The following SERGEF variants were observed in gnomAD, a reference collection of about 807,000 sequenced individuals.
SERGEF encodes the protein secretion regulating guanine nucleotide exchange factor.
Under a neutral mutation model 50.0 loss-of-function variants are expected in SERGEF, and 51 were observed. That is an observed-to-expected ratio of 1.02 (90% CI 0.81 to 1.29). SERGEF has a LOEUF of 1.29. Ranked by LOEUF, SERGEF falls within the 50% of genes most tolerant of loss-of-function variation. SERGEF has a pLI of 0.00. For missense variants in SERGEF, 521 were observed against 557.0 expected (o/e 0.94, Z 0.65); for synonymous variants, 205 against 212.4 (o/e 0.97, Z 0.30).
intron 10 of SERGEF, among the ~76,000 whole-genome samples, chr11:17,860,219 T>C (rs1463523980): frequency 6.6e-6 from 1 of 152,108 alleles, no homozygotes; most frequent in Non-Finnish European, 1.5e-5. Context: ...AATTGGTATA[T>C]AGAAAGTCAG....
intron 10 of SERGEF, among the ~76,000 whole-genome samples, chr11:17,838,119 A>C (rs980026194): frequency 2.0e-5 from 3 of 152,220 alleles, no homozygotes; most frequent in Admixed American, 6.5e-5. Flanking sequence ...CAACATAACA[A>C]CACGAAAGAG....
At chr11:17,967,519 C>G (rs959968953) in intron 8 of SERGEF, among the ~76,000 whole-genome samples, 6 of 152,210 alleles carry the variant, frequency 3.9e-5, no homozygotes, top group Non-Finnish European at 5.9e-5. Flanking sequence ...TCACCACTGA[C>G]TTTATTAGCT....
At chr11:17,796,145 A>G (rs935478705) in intron 10 of SERGEF, among the ~76,000 whole-genome samples, 1 of 152,216 alleles carries the variant, frequency 6.6e-6, no homozygotes, top group Non-Finnish European at 1.5e-5. Flanking sequence ...AATATTTTAA[A>G]AAGCAGTAAC....
At chr11:17,800,093 T>A (rs1849641415) in intron 10 of SERGEF, among the ~76,000 whole-genome samples, 1 of 152,324 alleles carries the variant, frequency 6.6e-6, no homozygotes, top group South Asian at 2.1e-4. Context: ...ATAAAAATTA[T>A]TACAATACAA....
intron 9 of SERGEF, among the ~76,000 whole-genome samples, chr11:17,957,088 C>T (rs1047944941): frequency 1.3e-5 from 2 of 152,176 alleles, no homozygotes; most frequent in South Asian, 4.1e-4. Context: ...GTCTACACTC[C>T]AGCACCCCAG....
intron 10 of SERGEF, among the ~76,000 whole-genome samples, chr11:17,828,905 A>G (rs1489303509): frequency 6.6e-6 from 1 of 152,128 alleles, no homozygotes; most frequent in African/African-American, 2.4e-5. Flanking sequence ...AAATGGGAAC[A>G]AGGCTTCCTG....
chr11:17,939,755 G>A (rs1852526719), intron 9 of SERGEF: 1 of 152,142 alleles, frequency 6.6e-6, no homozygotes, highest in Non-Finnish European at 1.5e-5. Flanking sequence ...CAAAGCAAAG[G>A]CCAGCCTTTG....
intron 10 of SERGEF, among the ~76,000 whole-genome samples, chr11:17,798,450 A>G (rs1423512266): frequency 6.6e-6 from 1 of 152,248 alleles, no homozygotes; most frequent in African/African-American, 2.4e-5. Flanking sequence ...AAGCTGGGAC[A>G]GGCAGAGGCC....
At chr11:17,934,835 C>T (rs546558912) in intron 9 of SERGEF, among the ~76,000 whole-genome samples, 1 of 152,246 alleles carries the variant, frequency 6.6e-6, no homozygotes, top group Admixed American at 6.5e-5. Flanking sequence ...ACAATTCCAC[C>T]ACCTAATACC....
At chr11:17,891,461 C>G (rs1276636370) in intron 9 of SERGEF, among the ~76,000 whole-genome samples, 3 of 152,158 alleles carry the variant, frequency 2.0e-5, no homozygotes, top group Non-Finnish European at 4.4e-5. Context: ...TCGGGACTCT[C>G]TCTCACATTT....
chr11:17,992,919 G>C lies in SERGEF; in HGVS notation c.685+12C>G, dbSNP rs753123162. 19 of 1,611,814 alleles carry C rather than the reference G, an allele frequency of 1.2e-5. No homozygotes were observed. The African/African-American group carries it at 1.9e-4, about 16-fold the overall frequency. On this transcript the variant is annotated intron_variant, in intron 7 of 10. Transcript: ENST00000265965. ...GAATGGCATGTTAAACCGTGAAAGA[G>C]CTGGTACCTACCTGTTAATGAAGCT...
At chr11:17,937,944 T>C (rs1240604433) in intron 9 of SERGEF, among the ~76,000 whole-genome samples, 3 of 152,194 alleles carry the variant, frequency 2.0e-5, no homozygotes, top group South Asian at 2.1e-4. Context: ...GTACATACTA[T>C]TGGGGATAAA....
intron 9 of SERGEF, among the ~76,000 whole-genome samples, chr11:17,956,683 C>T (rs552375802): frequency 6.6e-6 from 1 of 152,130 alleles, no homozygotes; most frequent in African/African-American, 2.4e-5. Flanking sequence ...TCTGAGACAC[C>T]AGACAATTCA....
intron 8 of SERGEF, among the ~76,000 whole-genome samples, chr11:17,988,343 C>G (rs1285246140): frequency 1.3e-5 from 2 of 152,176 alleles, no homozygotes; most frequent in African/African-American, 4.8e-5. Flanking sequence ...CAATGGATCC[C>G]TTCTCAAAAC....
intron 10 of SERGEF, among the ~76,000 whole-genome samples, chr11:17,810,066 T>C (rs1289599935): frequency 6.6e-6 from 1 of 152,174 alleles, no homozygotes; most frequent in African/African-American, 2.4e-5. Flanking sequence ...TAGTGTATTC[T>C]TGGTGGAGGT....
intron 10 of SERGEF, among the ~76,000 whole-genome samples, chr11:17,867,796 GC>G (rs1033732233): frequency 3.9e-5 from 6 of 152,190 alleles, no homozygotes; most frequent in Non-Finnish European, 7.3e-5. Context: ...TGACTTTGGT[GC>G]ACTCGCAGGC....
chr11:17,798,260 C>A (rs1388379445), intron 10 of SERGEF, among the ~76,000 whole-genome samples: 1 of 152,168 alleles, frequency 6.6e-6, no homozygotes, highest in African/African-American at 2.4e-5. Flanking sequence ...TAGGAGGAAA[C>A]TGAGGCCCAC....
chr11:17,886,548 G>A (rs75584395), intron 9 of SERGEF, among the ~76,000 whole-genome samples: 3,145 of 151,994 alleles, frequency 0.021, 166 homozygotes, highest in East Asian at 0.2. Context: ...CCTGGGAGGC[G>A]AAGGTTGCAG....
chr11:17,856,744 T>C (rs1202334943), intron 10 of SERGEF: 1 of 152,220 alleles, frequency 6.6e-6, no homozygotes, highest in African/African-American at 2.4e-5. Flanking sequence ...AAACCACACA[T>C]AGATCAATAA....
Sources: allele counts gnomAD v4.1 joint callset (sites outside exome capture counted in the v4.1 genomes callset), GRCh38; gene constraint gnomAD v4.1.1; transcripts MANE v1.5; gene names NCBI Gene and HGNC (gene_info 2026-07-23, HGNC 2026-07-21).